The following ATP2C1 variants were observed in gnomAD, a reference collection of about 807,000 sequenced individuals.
ATP2C1 encodes the protein ATPase secretory pathway Ca2+ transporting 1.
Under a neutral mutation model 120.5 loss-of-function variants are expected in ATP2C1, and 31 were observed. The ratio of observed to expected loss-of-function variants is 0.26; its 90% confidence interval spans 0.19 to 0.35. The LOEUF (loss-of-function observed/expected upper bound fraction) is 0.35. ATP2C1 is among the 10% of genes least tolerant of loss of function. ATP2C1 has a pLI of 1.00. For synonymous variants in ATP2C1, 351 were observed against 358.7 expected (o/e 0.98, Z 0.24); for missense variants, 731 against 1,107.5 (o/e 0.66, Z 4.83).
chr3:130,991,193 G>T (rs2062324746), intron 20 of ATP2C1, among the ~76,000 whole-genome samples: 1 of 152,166 alleles, frequency 6.6e-6, no homozygotes, highest in East Asian at 1.9e-4. Context: ...AAAAAGGTAG[G>T]AGGAAGACCA....
intron 8 of ATP2C1, among the ~76,000 whole-genome samples, chr3:130,947,767 CTTT>C (rs1032556054): frequency 1.3e-5 from 2 of 151,972 alleles, no homozygotes; most frequent in Non-Finnish European, 2.9e-5. Flanking sequence ...TTGTGCCCTT[CTTT>C]GTTTTTTTTC....
At chr3:130,941,429 G>C (rs2059915056) in intron 7 of ATP2C1, among the ~76,000 whole-genome samples, 162 bp from the exon 8 acceptor site, 1 of 152,142 alleles carries the variant, frequency 6.6e-6, no homozygotes, top group South Asian at 2.1e-4. Context: ...TGTTTTTCAA[G>C]TTATTTTCTG....
rs762186868 is a variant in ATP2C1, at chr3:130,964,091, T to A, written c.1020T>A (p.Thr340=). 6.2e-7 allele frequency: 1 copy of A among 1,612,328 alleles called. No individual in the cohort carries two copies. Among genetic ancestry groups the A allele is most frequent in the South Asian group, 1.1e-5 (1 of 91,074 alleles). ...AIVKKLPIVE[T]LGCCNVICSD... is the part of the protein sequence containing the mutation. ...TGAAAAAGCTGCCTATTGTTGAAACTCTGGGTAAGTCTGTGTTAAGAGCAT... is the reference window on the plus strand; with the variant it reads ...TGAAAAAGCTGCCTATTGTTGAAACACTGGGTAAGTCTGTGTTAAGAGCAT... The change falls in exon 13 of 28, where the codon ACT becomes ACA. Residue 340 remains threonine, a synonymous_variant. Transcript: ENST00000510168.
At chr3:130,883,809 G>T (rs764051685) in intron 1 of ATP2C1, among the ~76,000 whole-genome samples, 1 of 151,846 alleles carries the variant, frequency 6.6e-6, no homozygotes, top group Non-Finnish European at 1.5e-5. Flanking sequence ...CCTCTTAGTA[G>T]TTATAGCTAT....
At chr3:131,015,187 A>G (rs939915710) in intron 26 of ATP2C1, 4 of 701,836 alleles carry the variant, frequency 5.7e-6, no homozygotes, top group Non-Finnish European at 1.0e-5. Context: ...TTTACCTTGA[A>G]ACATGTAAAG....
At chr3:131,016,443 A>G (rs528523182) in exon 27 of ATP2C1, 1 of 1,293,608 alleles carries the variant, frequency 7.7e-7, no homozygotes, top group African/African-American at 1.5e-5. Flanking sequence ...AAATTAATTT[A>G]AAAAAACTAA....
chr3:130,885,270 G>A (rs1025201630), intron 1 of ATP2C1, among the ~76,000 whole-genome samples: 7 of 152,206 alleles, frequency 4.6e-5, no homozygotes, highest in African/African-American at 1.2e-4. Flanking sequence ...AGATCACTGG[G>A]TCTTGTTTTT....
Position 130,967,195 on chromosome 3 carries a change from T to A in ATP2C1, c.1173T>A (p.Asp391Glu). Residue 391 changes from aspartate (D) to glutamate (E), a missense_variant, in exon 15 of 28, where the codon GAT becomes GAA. This residue lies in a region of ATP2C1 where 571 missense variants were observed against 845.9 expected (regional missense o/e 0.67). Transcript: ENST00000510168. Reference protein sequence around the residue: ...NQFGEVIVDGDVVHGFYNPAV... With the variant: ...NQFGEVIVDGEVVHGFYNPAV... ...TTGGGGAAGTGATTGTTGATGGTGA[T>A]GTTGTTCATGGATTCTATAACCCAG... 6.2e-7 allele frequency: 1 copy of A among 1,613,924 alleles called. No individual in the cohort carries two copies.
chr3:130,974,973 A>G (rs745713724), intron 17 of ATP2C1, among the ~76,000 whole-genome samples: 7 of 152,180 alleles, frequency 4.6e-5, no homozygotes, highest in Admixed American at 1.3e-4. Flanking sequence ...TTTTAGGTAG[A>G]TAGATATAGA....
chr3:130,868,375 G>T (rs2068284223), intron 1 of ATP2C1: 1 of 137,524 alleles, frequency 7.3e-6, no homozygotes, highest in Non-Finnish European at 1.6e-5. Context: ...GAGGGAGGTG[G>T]GGGGGTCAGC....
At position 130,861,059 on chromosome 3, in the gene ATP2C1, C is replaced by A. The variant is rs985081877; in HGVS notation, c.108+10131C>A. Among the ~76,000 whole-genome samples, 3 of 152,180 alleles carry A rather than the reference C, an allele frequency of 2.0e-5. No individual in the cohort carries two copies. The East Asian group carries it at 5.8e-4, about 29-fold the overall frequency. ...CTGAGGTGGGTGGATCAGTTGAGGTCAGGAGTTCAAAACCAGCCTGACAAC... is the reference window on the plus strand; with the variant it reads ...CTGAGGTGGGTGGATCAGTTGAGGTAAGGAGTTCAAAACCAGCCTGACAAC... On this transcript the variant is annotated intron_variant, in intron 1 of 26. Coordinates refer to the ATP2C1 transcript ENST00000504381.
In ATP2C1 at chr3:130,894,336, G is replaced by A. The variant is rs1034796590; in HGVS notation, c.-182G>A. ...CTGGAGGAGGGCTGTCCGGGGCTTT[G>A]GGTGGGTACCAGTATTACCTCCTGC... On this transcript the variant is annotated splice_region_variant and 5_prime_UTR_variant, in exon 1 of 28. Coordinates refer to ENST00000510168, the MANE Select transcript of ATP2C1 (RefSeq NM_001378687.1). The surrounding 1 kb of genome is among the most constrained non-coding windows in gnomAD (Gnocchi z 4.5). The A allele has an allele frequency of 6.6e-5, 66 of 1,000,006 alleles. No individual in the cohort carries two copies. The highest frequency in any genetic ancestry group is 7.9e-5 in the Non-Finnish European group (66 of 838,012). The allele number at this position is 1,000,006 out of a possible 1,614,324, so 61.9% of individuals were successfully genotyped here. A position where few individuals can be genotyped will look rare whatever the true frequency, so the allele number is the denominator to read the frequency against.
chr3:130,866,594 G>T (rs1249798024), intron 1 of ATP2C1, among the ~76,000 whole-genome samples: 2 of 149,908 alleles, frequency 1.3e-5, no homozygotes, highest in Admixed American at 6.7e-5. Context: ...TCACTGAATT[G>T]CTAACTTTGT....
intron 1 of ATP2C1, among the ~76,000 whole-genome samples, chr3:130,877,952 G>A (rs372713722): frequency 4.6e-5 from 7 of 152,084 alleles, no homozygotes; most frequent in African/African-American, 1.7e-4. Flanking sequence ...GGAATATTAT[G>A]TAGCCATAAA....
At chr3:130,899,907 T>A (rs1046303384) in intron 2 of ATP2C1, among the ~76,000 whole-genome samples, 2 of 152,288 alleles carry the variant, frequency 1.3e-5, no homozygotes, top group Non-Finnish European at 1.5e-5. Flanking sequence ...TTATTTAATA[T>A]ACCTGTTAGT....
intron 26 of ATP2C1, among the ~76,000 whole-genome samples, chr3:131,011,744 G>T (rs1222985603): frequency 6.6e-6 from 1 of 152,192 alleles, no homozygotes; most frequent in Non-Finnish European, 1.5e-5. Flanking sequence ...TTATGTAAGG[G>T]TAAAAACCAC....
chr3:130,894,523 A>C lies in ATP2C1; in HGVS notation c.-180-67A>C. The C allele has an allele frequency of 7.2e-7, 1 of 1,386,262 alleles. No homozygotes were observed. The highest frequency in any genetic ancestry group is 9.3e-7 in the Non-Finnish European group (1 of 1,070,892). 85.9% of individuals were successfully genotyped at this position (1,386,262 alleles called of 1,614,324 possible). A position where few individuals can be genotyped will look rare whatever the true frequency, so the allele number is the denominator to read the frequency against. On this transcript the variant is annotated intron_variant, in intron 1 of 27. Transcript: ENST00000510168. The surrounding 1 kb of genome is among the most constrained non-coding windows in gnomAD (Gnocchi z 4.5). ...TCTTGGGGAGGGGGGCTCCCGAGAT[A>C]GTGGCTGGGCGGGGAACTCCTTCCT...
At chr3:130,885,441 T>C (rs779082460) in intron 1 of ATP2C1, among the ~76,000 whole-genome samples, 2 of 152,276 alleles carry the variant, frequency 1.3e-5, no homozygotes, top group Middle Eastern at 3.4e-3. Context: ...TGTCTTCCTC[T>C]TAGTGAAGGT....
rs1481680820 is a variant in ATP2C1, at chr3:130,999,648, T to C, written c.2618T>C (p.Leu873Pro). 2 of 1,612,352 alleles carry C rather than the reference T, an allele frequency of 1.2e-6. No homozygotes were observed. The highest frequency in any genetic ancestry group is 1.7e-6 in the Non-Finnish European group (2 of 1,178,572). ...CAGAAGGTTTTTCAGACTGAGAGCC[T>C]AAGCATACTGGGTAAAGAAAACGTT... is the stretch of plus-strand genomic sequence containing the variant. ...PLQKVFQTESLSILDLLFLLG... is the reference protein window; with the variant it reads ...PLQKVFQTESPSILDLLFLLG... The change falls in exon 27 of 28, where the codon CTA (leucine) becomes CCA (proline). Residue 873 changes from leucine to proline, a missense_variant. By Grantham distance (98) the Leu-to-Pro change is moderately conservative. Transcript: ENST00000510168.
Sources: gnomAD v4.1 joint callset for allele counts (sites outside exome capture counted in the v4.1 genomes callset) on GRCh38, gnomAD v4.1.1 for gene constraint, gnomAD v4.1.1 regional missense constraint, Gnocchi (gnomAD v3.1) non-coding constraint, MANE v1.5 for transcripts, NCBI Gene and HGNC (gene_info 2026-07-23, HGNC 2026-07-21) for gene names.